Variants in SMIM14 observed in about 807,000 individuals in gnomAD.
SMIM14 encodes the protein chromosome 4 open reading frame 34.
A neutral mutation model predicts 12.6 loss-of-function variants in SMIM14; 5 were observed. The ratio of observed to expected loss-of-function variants is 0.40; its 90% CI spans 0.21 to 0.83. The LOEUF (loss-of-function observed/expected upper bound fraction) is 0.83. Ranked by LOEUF, SMIM14 falls within the 40% of genes least tolerant of loss-of-function variation. The pLI, the probability that SMIM14 is intolerant of heterozygous loss-of-function variation, is 0.37. For missense variants in SMIM14, 86 were observed against 119.1 expected (o/e 0.72, Z 1.29); for synonymous variants, 30 against 40.1 (o/e 0.75, Z 0.95).
At chr4:39,556,298 T>A in intron 4 of SMIM14, 130 bp downstream of exon 4, 1 of 779,426 alleles carries the variant, frequency 1.3e-6, no homozygotes, top group Non-Finnish European at 2.0e-6. Flanking sequence ...TAGAACTACA[T>A]AGGTAGAATA....
At position 39,557,033 on chromosome 4, in the gene SMIM14, G is replaced by A. The variant is rs890677771; in HGVS notation, c.125-463C>T. ...TCTAACAATTTTTTTTTTTTTTTTTGAGATGGAGTCTCACTCTGTTGCCAA... is the reference window on the plus strand; with the variant it reads ...TCTAACAATTTTTTTTTTTTTTTTTAAGATGGAGTCTCACTCTGTTGCCAA... On this transcript the variant is annotated intron_variant, in intron 3 of 4. Coordinates refer to ENST00000295958, the MANE Select transcript of SMIM14 (RefSeq NM_174921.3). Among the ~76,000 whole-genome samples the A allele has an allele frequency of 3.5e-5, 3 of 85,988 alleles. No individual in the cohort carries two copies. The East Asian group carries it at 1.0e-3, about 29-fold the overall frequency. 56.4% of individuals were successfully genotyped at this position (85,988 alleles called of 152,430 possible).
chr4:39,594,922 G>C (rs1042905664), intron 2 of SMIM14, among the ~76,000 whole-genome samples: 6 of 151,032 alleles, frequency 4.0e-5, no homozygotes, highest in African/African-American at 1.5e-4. Flanking sequence ...TGGAGAGGAT[G>C]TGGAGAAACA....
At chr4:39,574,149 C>T (rs747153988) in intron 2 of SMIM14, among the ~76,000 whole-genome samples, 13 of 151,846 alleles carry the variant, frequency 8.6e-5, no homozygotes, top group South Asian at 2.1e-4. Flanking sequence ...TTGTTTGGGA[C>T]GGCAACTATG....
At chr4:39,632,032 C>CTATATT (rs1278532912) in intron 1 of SMIM14, among the ~76,000 whole-genome samples, 3 of 152,040 alleles carry the variant, frequency 2.0e-5, no homozygotes, top group Non-Finnish European at 4.4e-5. Context: ...GTAAGCCCTA[C>CTATATT]TATACACCTA....
At chr4:39,581,518 C>CTTTTTTT (rs1432369898) in intron 2 of SMIM14, among the ~76,000 whole-genome samples, 3 of 132,080 alleles carry the variant, frequency 2.3e-5, no homozygotes, top group African/African-American at 5.4e-5. Flanking sequence ...TTTTCTTTTT[C>CTTTTTTT]TTTTTTTTTT....
At chr4:39,602,789 C>T (rs191556885) in intron 2 of SMIM14, among the ~76,000 whole-genome samples, 25 of 152,180 alleles carry the variant, frequency 1.6e-4, no homozygotes, top group African/African-American at 6.0e-4. Flanking sequence ...GATCACAAGT[C>T]CTAGTGCATG....
chr4:39,620,208 T>G (rs148084424), intron 1 of SMIM14, among the ~76,000 whole-genome samples: 1 of 148,482 alleles, frequency 6.7e-6, no homozygotes, highest in African/African-American at 2.5e-5. Flanking sequence ...GGATGGGCGC[T>G]GTGGCTCACG....
At chr4:39,584,482 A>T (rs1386736528) in intron 2 of SMIM14, among the ~76,000 whole-genome samples, 1 of 57,124 alleles carries the variant, frequency 1.8e-5, no homozygotes, top group East Asian at 6.1e-4. Context: ...ACACTGTCTC[A>T]AAAAAAAAAA....
At position 39,552,146 on chromosome 4, in the gene SMIM14, G is replaced by A; in HGVS notation, c.280C>T (p.Pro94Ser). The stretch of plus-strand genomic sequence containing the variant: ...CAAAGTTAGTCCACAGGAGGAGCTG[G>A]TGGATCTTGTCCCTGGCATTAGAAA... ...PTSPHNGQDPPAPPVD is the reference protein window; with the variant it reads ...PTSPHNGQDPSAPPVD Residue 94 changes from proline (P) to serine (S), a missense_variant, in exon 5 of 5, where the codon CCA (proline) becomes TCA (serine). Pro to Ser is a moderately conservative substitution (Grantham distance 74). Coordinates refer to ENST00000295958, the MANE Select transcript of SMIM14 (RefSeq NM_174921.3). 6.3e-7 allele frequency: 1 copy of A among 1,596,302 alleles called. No individual in the cohort carries two copies. Among genetic ancestry groups the A allele is most frequent in the Non-Finnish European group, 8.5e-7 (1 of 1,171,398 alleles).
chr4:39,582,428 G>C (rs1012121480), intron 2 of SMIM14, among the ~76,000 whole-genome samples: 3 of 151,092 alleles, frequency 2.0e-5, no homozygotes, highest in Admixed American at 2.0e-4. Context: ...ACTTTGGGAA[G>C]CCGAGGCAGG....
intron 2 of SMIM14, among the ~76,000 whole-genome samples, chr4:39,599,550 G>A (rs948470250): frequency 2.0e-5 from 3 of 152,112 alleles, no homozygotes; most frequent in East Asian, 3.9e-4. Flanking sequence ...GTGTTGCACT[G>A]GAGGTGTGAA....
Position 39,571,050 on chromosome 4 carries a change from C to T in SMIM14, c.124+1365G>A, listed in dbSNP as rs117778716. 2.0e-4 allele frequency among the ~76,000 whole-genome samples: 31 copies of T among 152,054 alleles called. No individual in the cohort carries two copies. The East Asian group carries it at 4.3e-3, about 21-fold the overall frequency. ...CATCTCTCAAAATATTTCTGAGTAT[C>T]CTGAAAAAAGATGTGTCACATAATG... On this transcript the variant is annotated intron_variant, in intron 3 of 4. Transcript: ENST00000295958.
intron 3 of SMIM14, among the ~76,000 whole-genome samples, chr4:39,562,262 AGCTACTC>A (rs1487074313): frequency 6.6e-6 from 1 of 152,098 alleles, no homozygotes; most frequent in Non-Finnish European, 1.5e-5. Flanking sequence ...CTGTAATCCC[AGCTACTC>A]GGGAGGCTGA....
chr4:39,604,136 C>T (rs917787712), intron 2 of SMIM14, among the ~76,000 whole-genome samples: 1 of 152,028 alleles, frequency 6.6e-6, no homozygotes, highest in African/African-American at 2.4e-5. Context: ...ACAAGCTCCA[C>T]ACAGCTAAAA....
chr4:39,570,599 G>C (rs28363851), intron 3 of SMIM14, among the ~76,000 whole-genome samples: 1 of 152,040 alleles, frequency 6.6e-6, no homozygotes, highest in East Asian at 1.9e-4. Flanking sequence ...GCAACCTAAG[G>C]TTCTAGTAAA....
intron 1 of SMIM14, among the ~76,000 whole-genome samples, chr4:39,630,058 T>C (rs1715845338): frequency 6.6e-6 from 1 of 152,188 alleles, no homozygotes; most frequent in African/African-American, 2.4e-5. Flanking sequence ...ATCAAGACTT[T>C]TCCTTAATAT....
rs192047057 is a variant in SMIM14 at position 39,556,253 on chromosome 4, A to G, written c.267+175T>C. On this transcript the variant is annotated intron_variant, in intron 4 of 4. Transcript: ENST00000295958. ...TCTGCATTTAACTCCATAAAGATTA[A>G]GCTGTCAATTAAATCTTGGAATTGC... Among the ~76,000 whole-genome samples, 384 of 152,310 alleles carry G rather than the reference A, an allele frequency of 2.5e-3. 2 individuals are homozygous for G. Among genetic ancestry groups the G allele is most frequent in the African/African-American group, 8.9e-3 (370 of 41,572 alleles).
At chr4:39,594,899 AAAC>A (rs1291520869) in intron 2 of SMIM14, among the ~76,000 whole-genome samples, 2 of 150,846 alleles carry the variant, frequency 1.3e-5, no homozygotes, top group South Asian at 2.1e-4. Context: ...AAAAGTCAGG[AAAC>A]AACAGGTGCT....
chr4:39,624,804 A>G (rs1374229469), intron 1 of SMIM14, among the ~76,000 whole-genome samples: 6 of 140,452 alleles, frequency 4.3e-5, no homozygotes, highest in African/African-American at 1.6e-4. Flanking sequence ...CAACAGAGCA[A>G]GACACCATCT....
Sources: gnomAD v4.1 joint callset for allele counts (sites outside exome capture counted in the v4.1 genomes callset) on GRCh38, gnomAD v4.1.1 for gene constraint, MANE v1.5 for transcripts, NCBI Gene and HGNC (gene_info 2026-07-23, HGNC 2026-07-21) for gene names.